Variants in GRIN2D observed in about 807,000 individuals in gnomAD.
GRIN2D encodes the protein glutamate ionotropic receptor NMDA type subunit 2D.
Under a neutral mutation model 103.2 loss-of-function variants are expected in GRIN2D, and 37 were observed. The observed-to-expected ratio is 0.36, with a 90% CI of 0.28 to 0.47. The LOEUF is 0.47. Among genes scored for constraint, GRIN2D ranks in the 20% least tolerant of loss-of-function variants. The pLI is 1.00. For missense variants in GRIN2D, 1,557 were observed against 1,910.6 expected (o/e 0.81, Z 3.45); for synonymous variants, 845 against 885.6 (o/e 0.95, Z 0.81).
intron 4 of GRIN2D, among the ~76,000 whole-genome samples, chr19:48,407,310 C>G (rs1228186170): frequency 6.6e-6 from 1 of 152,002 alleles, no homozygotes; most frequent in East Asian, 1.9e-4. Flanking sequence ...CTCCCTCCCT[C>G]CCTCTGTCCA....
chr19:48,435,206 T>C (rs532735166), intron 11 of GRIN2D, among the ~76,000 whole-genome samples: 1 of 152,220 alleles, frequency 6.6e-6, no homozygotes, highest in East Asian at 1.9e-4. Flanking sequence ...GGAGGACCTC[T>C]TCCAGACCTT....
intron 11 of GRIN2D, among the ~76,000 whole-genome samples, chr19:48,427,472 CTTTTTTTTT>C (rs1038381293): frequency 1.2e-5 from 1 of 83,240 alleles, no homozygotes; most frequent in Non-Finnish European, 2.2e-5. Flanking sequence ...ATCTTCTTTT[CTTTTTTTTT>C]TTTTTTTTTT....
chr19:48,416,248 G>T, intron 8 of GRIN2D, 93 bp downstream of exon 8: 1 of 1,122,652 alleles, frequency 8.9e-7, no homozygotes. Flanking sequence ...TGGGTTCCCG[G>T]TATCATCGGT....
At position 48,398,736 on chromosome 19, in the gene GRIN2D, T is replaced by C. The variant is rs757989014; in HGVS notation, c.344T>C (p.Val115Ala). 3 of 1,467,136 alleles carry C rather than the reference T, an allele frequency of 2.0e-6. No homozygotes were observed. The highest frequency in any genetic ancestry group is 1.3e-5 in the South Asian group (1 of 77,378). 90.9% of individuals were successfully genotyped at this position (1,467,136 alleles called of 1,614,324 possible). A position where few individuals can be genotyped will look rare whatever the true frequency, so the allele number is the denominator to read the frequency against. The change falls in exon 3 of 14, where the codon GTG (valine) becomes GCG (alanine). Residue 115 changes from valine to alanine, a missense_variant. Around this residue, in one of 7 missense-constraint regions of GRIN2D, gnomAD observed 490 missense variants for 601.1 expected, o/e 0.82. Transcript: ENST00000263269. ...DLLSGLRVHG[V>A]VFEDDSRAPA... ...CTGTCGGGGTTGCGCGTGCACGGCGTGGTCTTCGAAGACGACTCGCGCGCG... is the reference window on the plus strand; with the variant it reads ...CTGTCGGGGTTGCGCGTGCACGGCGCGGTCTTCGAAGACGACTCGCGCGCG...
rs1250196340 is a variant in GRIN2D at position 48,393,710 on chromosome 19, G to C, written c.-464G>C. 1.3e-5 allele frequency among the ~76,000 whole-genome samples: 2 copies of C among 152,004 alleles called. No homozygotes were observed. The highest frequency in any genetic ancestry group is 4.8e-5 in the African/African-American group (2 of 41,370). ...GTGTGCGAGAACACAGCGAGTGTGTGAGTCCCTCCCGCTCCAGCTCCTCCA... is the reference window on the plus strand; with the variant it reads ...GTGTGCGAGAACACAGCGAGTGTGTCAGTCCCTCCCGCTCCAGCTCCTCCA... On this transcript the variant is annotated 5_prime_UTR_variant, in exon 1 of 14. Coordinates refer to ENST00000263269, the MANE Select transcript of GRIN2D (RefSeq NM_000836.4). The surrounding 1 kb of genome is among the most constrained non-coding windows in gnomAD (Gnocchi z 5.6).
chr19:48,439,706 A>G (rs766189528), intron 11 of GRIN2D, among the ~76,000 whole-genome samples: 1 of 152,102 alleles, frequency 6.6e-6, no homozygotes, highest in African/African-American at 2.4e-5. Flanking sequence ...CACTTTGGGA[A>G]GCCAAGGTGG....
chr19:48,401,165 C>A (rs1569058621), intron 3 of GRIN2D, among the ~76,000 whole-genome samples: 1 of 151,940 alleles, frequency 6.6e-6, no homozygotes, highest in Non-Finnish European at 1.5e-5. Context: ...GGGAGAAAGC[C>A]CACTTGCTGT....
intron 2 of GRIN2D, among the ~76,000 whole-genome samples, chr19:48,395,959 C>T (rs1014548762): frequency 1.3e-5 from 2 of 151,298 alleles, no homozygotes; most frequent in East Asian, 2.0e-4. Context: ...AGAACAGGAC[C>T]GAATGCCCAG....
chr19:48,411,418 G>A (rs187725458), intron 4 of GRIN2D, among the ~76,000 whole-genome samples: 3 of 151,878 alleles, frequency 2.0e-5, no homozygotes, highest in Admixed American at 6.6e-5. Context: ...TTGGGAGGCC[G>A]AGGTGGGCAG....
At chr19:48,440,450 A>G (rs1020284841) in intron 11 of GRIN2D, among the ~76,000 whole-genome samples, 1 of 151,726 alleles carries the variant, frequency 6.6e-6, no homozygotes, top group Non-Finnish European at 1.5e-5. Context: ...AAAATTAGCC[A>G]GATGTGGTGA....
chr19:48,428,360 C>CTT, intron 11 of GRIN2D, among the ~76,000 whole-genome samples: 1 of 130,192 alleles, frequency 7.7e-6, no homozygotes, highest in East Asian at 2.6e-4. Context: ...CCCCTCCCCG[C>CTT]TTTTTTTTTT....
At chr19:48,415,450 T>C (rs1247994148) in intron 7 of GRIN2D, among the ~76,000 whole-genome samples, 1 of 50,382 alleles carries the variant, frequency 2.0e-5, no homozygotes, top group Non-Finnish European at 4.0e-5. Context: ...GATTGGGGCC[T>C]GGGGCGGGGT....
At chr19:48,438,486 G>A (rs1971257574) in intron 11 of GRIN2D, among the ~76,000 whole-genome samples, 1 of 151,806 alleles carries the variant, frequency 6.6e-6, no homozygotes, top group Non-Finnish European at 1.5e-5. Context: ...TTTTAGTAGA[G>A]ACAGGGTTTC....
chr19:48,415,087 A>C (rs1184847642), intron 7 of GRIN2D, 55 bp downstream of exon 7: 3 of 1,482,862 alleles, frequency 2.0e-6, no homozygotes, highest in African/African-American at 1.4e-5. Flanking sequence ...AGAGGCGGGC[A>C]CAGCCGGGCG....
chr19:48,441,073 A>C (rs1971285370), intron 11 of GRIN2D, among the ~76,000 whole-genome samples: 1 of 152,104 alleles, frequency 6.6e-6, no homozygotes, highest in South Asian at 2.1e-4. Flanking sequence ...TTTCATTAAC[A>C]GTCACAGCTG....
At position 48,443,264 on chromosome 19, in the gene GRIN2D, C is replaced by CGGACTCGGA. The variant is rs749701862; in HGVS notation, c.3349_3357dup (p.Asp1117_Glu1119dup). On this transcript the variant is annotated inframe_insertion, in exon 14 of 14. Transcript: ENST00000263269. This position sits in a 1 kb window ranked among gnomAD's most constrained non-coding sequence, Gnocchi z 8.9. ...TACCTCGATCTCGAGCCGTCGCCGT[C>CGGACTCGGA]GGACTCGGAGGACTCGGAGAGCCTG... 22 of 1,524,684 alleles carry CGGACTCGGA rather than the reference C, an allele frequency of 1.4e-5. No homozygotes were observed. The highest frequency in any genetic ancestry group is 5.7e-5 in the African/African-American group (4 of 69,680). 94.4% of individuals were successfully genotyped at this position (1,524,684 alleles called of 1,614,324 possible). A position where few individuals can be genotyped will look rare whatever the true frequency, so the allele number is the denominator to read the frequency against.
intron 11 of GRIN2D, among the ~76,000 whole-genome samples, chr19:48,436,296 G>A (rs1315594964): frequency 3.3e-5 from 5 of 152,088 alleles, no homozygotes; most frequent in Admixed American, 6.6e-5. Flanking sequence ...ACAGGCGGTC[G>A]AAGTGAGGTT....
At position 48,414,182 on chromosome 19, in the gene GRIN2D, C is replaced by T; in HGVS notation, c.1200+77C>T. Reference sequence around the variant, plus strand: ...TCCTGGCAGAGGGGGGGCTTGAGGTCGTGGACTAAGAGGGAGGAGGGGACA... The same window carrying T: ...TCCTGGCAGAGGGGGGGCTTGAGGTTGTGGACTAAGAGGGAGGAGGGGACA... On this transcript the variant is annotated intron_variant, in intron 5 of 13. Transcript: ENST00000263269. The surrounding 1 kb of genome is among the most constrained non-coding windows in gnomAD (Gnocchi z 4.6). The T allele has an allele frequency of 1.0e-6, 1 of 991,730 alleles. No individual in the cohort carries two copies. The highest frequency in any genetic ancestry group is 1.6e-6 in the Non-Finnish European group (1 of 631,166). The allele number at this position is 991,730 out of a possible 1,614,324, so 61.4% of individuals were successfully genotyped here. A position where few individuals can be genotyped will look rare whatever the true frequency, so the allele number is the denominator to read the frequency against.
chr19:48,426,513 A>G (rs1212059603), intron 11 of GRIN2D, among the ~76,000 whole-genome samples: 1 of 151,596 alleles, frequency 6.6e-6, no homozygotes, highest in Non-Finnish European at 1.5e-5. Flanking sequence ...GGCATAAGCC[A>G]TCATGCCTAG....
Sources: allele counts gnomAD v4.1 joint callset (sites outside exome capture counted in the v4.1 genomes callset), GRCh38; gene constraint gnomAD v4.1.1; regional missense constraint gnomAD v4.1.1; non-coding constraint Gnocchi (gnomAD v3.1); transcripts MANE v1.5; gene names NCBI Gene and HGNC (gene_info 2026-07-23, HGNC 2026-07-21).